Variants in ERC2 observed in about 807,000 individuals in gnomAD.
ERC2 encodes the protein ELKS/RAB6-interacting/CAST family member 2, also known as ERC protein 2.
In ERC2, 42 loss-of-function variants were observed where a neutral mutation model predicts 114.8. The ratio of observed to expected loss-of-function variants is 0.37; its 90% CI spans 0.29 to 0.47. The LOEUF (loss-of-function observed/expected upper bound fraction) is 0.47, where lower values mean the gene tolerates loss of function less well. Among genes scored for constraint, ERC2 ranks in the 20% least tolerant of loss-of-function variants. The pLI, the probability that ERC2 is intolerant of heterozygous loss-of-function variation, is 0.99. For missense variants in ERC2, 939 were observed against 1,150.7 expected (o/e 0.82, Z 2.66); for synonymous variants, 454 against 425.5 (o/e 1.07, Z -0.82).
intron 17 of ERC2, among the ~76,000 whole-genome samples, chr3:55,539,443 G>C (rs1347686545): frequency 1.6e-4 from 1 of 6,276 alleles, no homozygotes. Context: ...TTTTTTTTTT[G>C]ATGGAGTCTT....
intron 15 of ERC2, among the ~76,000 whole-genome samples, chr3:55,710,788 A>G (rs1364918174): frequency 6.6e-6 from 1 of 152,218 alleles, no homozygotes; most frequent in Non-Finnish European, 1.5e-5. Flanking sequence ...TCTCTCCCCT[A>G]CAAATAAGGA....
chr3:55,873,408 A>C (rs996102288), intron 14 of ERC2, among the ~76,000 whole-genome samples: 1 of 152,188 alleles, frequency 6.6e-6, no homozygotes, highest in Non-Finnish European at 1.5e-5. Flanking sequence ...CGAAATGTAA[A>C]ATAGAGATGA....
chr3:55,764,545 T>C (rs531002104), intron 14 of ERC2, among the ~76,000 whole-genome samples: 1 of 152,344 alleles, frequency 6.6e-6, no homozygotes, highest in African/African-American at 2.4e-5. Flanking sequence ...ACTTATGGCT[T>C]TGGCTGTGCT....
intron 14 of ERC2, among the ~76,000 whole-genome samples, chr3:55,773,655 A>C (rs1264475720): frequency 6.6e-6 from 1 of 152,230 alleles, no homozygotes; most frequent in East Asian, 1.9e-4. Flanking sequence ...GGTGCTGCGC[A>C]CAAAGTAGGC....
rs534908691 is a variant in ERC2, at chr3:55,971,063, C to T, written c.2267+14914G>A. Among the ~76,000 whole-genome samples the T allele has an allele frequency of 1.1e-3, 164 of 152,140 alleles. 2 individuals are homozygous for T. Among genetic ancestry groups the T allele is most frequent in the African/African-American group, 3.7e-3 (154 of 41,516 alleles). Reference sequence around the variant, plus strand: ...ATGGATGAAACTCAAATACATTATGCTAAGTAAAAGAAGTCAGTCACACAA... The same window carrying T: ...ATGGATGAAACTCAAATACATTATGTTAAGTAAAAGAAGTCAGTCACACAA... On this transcript the variant is annotated intron_variant, in intron 12 of 17. Transcript: ENST00000288221.
At chr3:55,889,441 T>A (rs1031566307) in intron 13 of ERC2, among the ~76,000 whole-genome samples, 2 of 152,124 alleles carry the variant, frequency 1.3e-5, no homozygotes, top group Non-Finnish European at 2.9e-5. Flanking sequence ...TTTTATAGGG[T>A]GCTAATACAC....
In ERC2 at chr3:55,802,763, AT is replaced by A. The variant is rs377584616; in HGVS notation, c.2565-67846del. ...AAGGAAATCAGCAAGTTTAGGGGGA[AT>A]TTTTTTTTTCTGAAGGATTAACAGA... is the stretch of plus-strand genomic sequence containing the variant. On this transcript the variant is annotated intron_variant, in intron 14 of 17. Transcript: ENST00000288221. Among the ~76,000 whole-genome samples the A allele has an allele frequency of 4.2e-3, 631 of 150,766 alleles. 10 individuals are homozygous for A. Among genetic ancestry groups the A allele is most frequent in the African/African-American group, 0.014 (595 of 41,186 alleles).
chr3:55,854,639 C>T (rs1315831909), intron 14 of ERC2, among the ~76,000 whole-genome samples: 2 of 152,176 alleles, frequency 1.3e-5, no homozygotes, highest in African/African-American at 2.4e-5. Context: ...GCCTGTGGGT[C>T]ATGTCAGCCC....
At chr3:55,977,417 T>G (rs1022898846) in intron 12 of ERC2, among the ~76,000 whole-genome samples, 3 of 152,096 alleles carry the variant, frequency 2.0e-5, no homozygotes, top group Non-Finnish European at 4.4e-5. Flanking sequence ...TATAAAAAGC[T>G]CTTACAAATA....
chr3:56,375,274 G>A (rs983103548), intron 2 of ERC2, among the ~76,000 whole-genome samples: 1 of 152,214 alleles, frequency 6.6e-6, no homozygotes, highest in African/African-American at 2.4e-5. Context: ...ATTAGATACA[G>A]TGAACCCTAG....
intron 14 of ERC2, among the ~76,000 whole-genome samples, chr3:55,874,323 G>A (rs1282251291): frequency 2.0e-5 from 3 of 152,128 alleles, no homozygotes; most frequent in Admixed American, 6.5e-5. Flanking sequence ...GTATGGGGGT[G>A]TTTTCACTTG....
At chr3:55,934,691 G>A (rs73831811) in intron 13 of ERC2, among the ~76,000 whole-genome samples, 2,225 of 152,210 alleles carry the variant, frequency 0.015, 48 homozygotes, top group African/African-American at 0.051. Flanking sequence ...AAAAAAATTG[G>A]GAAGAACTCA....
In ERC2 at chr3:56,162,967, T is replaced by C. The variant is rs370015572; in HGVS notation, c.1149+10479A>G. Among the ~76,000 whole-genome samples the C allele has an allele frequency of 2.3e-4, 35 of 152,234 alleles. 1 individual carries two copies. In the South Asian group the frequency reaches 7.3e-3, roughly 32 times the overall value. On this transcript the variant is annotated intron_variant, in intron 4 of 17. Coordinates refer to ENST00000288221, the MANE Select transcript of ERC2 (RefSeq NM_015576.3). ...TCTAGGTGTGATGTTAGATTGTTAA[T>C]TTGAGATCCTTCTAACTTTTTGAGA...
chr3:56,414,628 G>A (rs1361235110), intron 2 of ERC2, among the ~76,000 whole-genome samples: 1 of 151,894 alleles, frequency 6.6e-6, no homozygotes, highest in Non-Finnish European at 1.5e-5. Context: ...GGGAGGCTGA[G>A]GCAGAAGAAT....
chr3:55,518,503 A>G (rs1247070414), intron 17 of ERC2, among the ~76,000 whole-genome samples: 2 of 152,260 alleles, frequency 1.3e-5, no homozygotes, highest in Non-Finnish European at 2.9e-5. Context: ...TTGCTGAGTT[A>G]AGTGAAAAGG....
chr3:56,283,477 AT>A (rs1160558409), intron 3 of ERC2, among the ~76,000 whole-genome samples: 2 of 152,230 alleles, frequency 1.3e-5, no homozygotes, highest in Admixed American at 6.5e-5. Context: ...AAATAAAAAA[AT>A]AAAAAGTCAT....
At chr3:55,727,386 C>A (rs2064987787) in intron 15 of ERC2, among the ~76,000 whole-genome samples, 1 of 151,970 alleles carries the variant, frequency 6.6e-6, no homozygotes, top group Non-Finnish European at 1.5e-5. Flanking sequence ...TGTAAAGAAA[C>A]AGAAGTGAAA....
At chr3:56,337,129 G>A (rs968137668) in intron 2 of ERC2, among the ~76,000 whole-genome samples, 2 of 152,146 alleles carry the variant, frequency 1.3e-5, no homozygotes, top group African/African-American at 4.8e-5. Flanking sequence ...CCCTAGTGAT[G>A]TACTTACCAA....
intron 6 of ERC2, among the ~76,000 whole-genome samples, chr3:56,100,005 T>G (rs549323878): frequency 6.6e-6 from 1 of 152,092 alleles, no homozygotes; most frequent in South Asian, 2.1e-4. Flanking sequence ...AAAAAAGGAC[T>G]GAGGGGAGGC....
Sources: allele counts gnomAD v4.1 joint callset (sites outside exome capture counted in the v4.1 genomes callset), GRCh38; gene constraint gnomAD v4.1.1; transcripts MANE v1.5; gene names NCBI Gene and HGNC (gene_info 2026-07-23, HGNC 2026-07-21).